OPCML: variants seen among roughly 807,000 people sequenced by gnomAD.
The protein encoded by OPCML is opioid-binding protein/cell adhesion molecule.
A neutral mutation model predicts 37.8 loss-of-function variants in OPCML; 13 were observed. That is an observed-to-expected ratio of 0.34 (90% CI 0.22 to 0.55). The LOEUF is 0.55. Ranked by LOEUF, OPCML falls within the 20% of genes least tolerant of loss-of-function variation. The probability of loss-of-function intolerance (pLI) is 0.91; values close to 1 mark genes in which losing one functional copy is unlikely to be tolerated. For missense variants in OPCML, 341 were observed against 435.6 expected (o/e 0.78, Z 1.93); for synonymous variants, 176 against 168.8 (o/e 1.04, Z -0.33).
intron 1 of OPCML, among the ~76,000 whole-genome samples, chr11:133,032,199 G>T (rs965704688): frequency 6.6e-6 from 1 of 152,336 alleles, no homozygotes; most frequent in South Asian, 2.1e-4. Context: ...CAGAGGTCAT[G>T]TGACCTTGAC....
chr11:132,695,956 C>A (rs1008597687), intron 2 of OPCML, among the ~76,000 whole-genome samples: 1 of 152,138 alleles, frequency 6.6e-6, no homozygotes, highest in African/African-American at 2.4e-5. Flanking sequence ...CAGAAATGAG[C>A]AGTGGGGCCA....
intron 1 of OPCML, among the ~76,000 whole-genome samples, chr11:133,077,655 C>T (rs1368077816): frequency 6.6e-6 from 1 of 152,066 alleles, no homozygotes; most frequent in Non-Finnish European, 1.5e-5. Context: ...AATATGTTAA[C>T]AGTCAACTCA....
intron 1 of OPCML, among the ~76,000 whole-genome samples, chr11:133,222,138 T>G (rs1259176663): frequency 1.3e-5 from 2 of 151,978 alleles, no homozygotes; most frequent in African/African-American, 2.4e-5. Flanking sequence ...GGCTGCTGGG[T>G]TGTGGATGGG....
intron 1 of OPCML, among the ~76,000 whole-genome samples, chr11:133,050,148 G>C (rs1417704407): frequency 6.6e-6 from 1 of 152,094 alleles, no homozygotes; most frequent in Non-Finnish European, 1.5e-5. Context: ...TTCCTTCCTG[G>C]CTGCCACTTT....
chr11:133,529,808 A>G (rs1049334936), intron 1 of OPCML, among the ~76,000 whole-genome samples: 13 of 152,222 alleles, frequency 8.5e-5, no homozygotes, highest in Non-Finnish European at 1.6e-4. Context: ...CTAAAGCTAT[A>G]ACAGGAAGTA....
chr11:133,230,710 AC>A, intron 1 of OPCML, among the ~76,000 whole-genome samples: 1 of 152,124 alleles, frequency 6.6e-6, no homozygotes, highest in Middle Eastern at 3.4e-3. Context: ...CAGCCTGGCC[AC>A]CCCATCACAG....
At chr11:132,437,615 G>T in intron 4 of OPCML, 1 of 305,250 alleles carries the variant, frequency 3.3e-6, no homozygotes, top group Non-Finnish European at 4.8e-6. Context: ...GTAAGAACAT[G>T]TCATTATTTT....
intron 1 of OPCML, among the ~76,000 whole-genome samples, chr11:133,201,304 GC>G (rs1388483961): frequency 6.1e-5 from 4 of 65,134 alleles, no homozygotes; most frequent in Non-Finnish European, 1.1e-4. Context: ...AACAATGCAT[GC>G]TTTTTTTTTT....
intron 3 of OPCML, among the ~76,000 whole-genome samples, chr11:132,649,179 G>A (rs763997898): frequency 1.3e-5 from 2 of 152,152 alleles, no homozygotes; most frequent in Admixed American, 1.3e-4. Context: ...TGGTGTCTGT[G>A]TGTGTCTTAG....
At chr11:132,579,879 C>A (rs938138416) in intron 3 of OPCML, among the ~76,000 whole-genome samples, 1 of 152,096 alleles carries the variant, frequency 6.6e-6, no homozygotes, top group East Asian at 1.9e-4. Flanking sequence ...GGGAAACCAG[C>A]AATCCAAAAA....
At chr11:133,196,617 A>G (rs1369938625) in intron 1 of OPCML, among the ~76,000 whole-genome samples, 3 of 152,166 alleles carry the variant, frequency 2.0e-5, no homozygotes, top group Admixed American at 6.5e-5. Flanking sequence ...TTGACAGTCA[A>G]ATATTATTTC....
intron 2 of OPCML, among the ~76,000 whole-genome samples, chr11:132,912,019 A>G (rs1944443030): frequency 6.6e-6 from 1 of 152,140 alleles, no homozygotes; most frequent in Admixed American, 6.5e-5. Context: ...ACTAATTGAG[A>G]CGCATCAGTG....
chr11:133,469,943 C>G (rs1947067509), intron 1 of OPCML, among the ~76,000 whole-genome samples: 1 of 152,230 alleles, frequency 6.6e-6, no homozygotes, highest in Non-Finnish European at 1.5e-5. Context: ...CACCTCTAAA[C>G]AATTAAAATC....
chr11:132,682,460 G>A (rs1289872156), intron 2 of OPCML, among the ~76,000 whole-genome samples: 1 of 152,042 alleles, frequency 6.6e-6, no homozygotes, highest in African/African-American at 2.4e-5. Flanking sequence ...GCTAAAAGGG[G>A]GCCAGCCTCT....
intron 7 of OPCML, among the ~76,000 whole-genome samples, chr11:132,421,904 T>C (rs1018775570): frequency 6.6e-6 from 1 of 152,140 alleles, no homozygotes; most frequent in African/African-American, 2.4e-5. Context: ...TCTCTACATA[T>C]TGTCTTTGAA....
chr11:132,862,653 C>T (rs1942355643), intron 2 of OPCML, among the ~76,000 whole-genome samples: 1 of 152,062 alleles, frequency 6.6e-6, no homozygotes, highest in Non-Finnish European at 1.5e-5. Flanking sequence ...AGATGGTGGG[C>T]TGGGGAGATA....
chr11:133,343,304 C>T (rs1375609755), intron 1 of OPCML, among the ~76,000 whole-genome samples: 2 of 152,206 alleles, frequency 1.3e-5, no homozygotes, highest in Admixed American at 6.5e-5. Context: ...ACAGGGCCTA[C>T]GTCACTCTTT....
At chr11:133,263,600 T>C (rs146649255) in intron 1 of OPCML, among the ~76,000 whole-genome samples, 3 of 152,280 alleles carry the variant, frequency 2.0e-5, no homozygotes, top group East Asian at 3.9e-4. Flanking sequence ...TCCCCATTGT[T>C]AAGCAGTGTG....
chr11:133,531,741 G>A (rs1332781405), intron 1 of OPCML, among the ~76,000 whole-genome samples: 1 of 131,728 alleles, frequency 7.6e-6, no homozygotes, highest in African/African-American at 3.0e-5. Context: ...GAGAGGTGGA[G>A]AGGGAGAGAG....
Sources: allele counts gnomAD v4.1 joint callset (sites outside exome capture counted in the v4.1 genomes callset), GRCh38; gene constraint gnomAD v4.1.1; transcripts MANE v1.5; gene names NCBI Gene and HGNC (gene_info 2026-07-23, HGNC 2026-07-21).